The following JPH2 variants were observed in gnomAD, a reference collection of about 807,000 sequenced individuals.
JPH2 encodes junctophilin-2.
JPH2 carries 38 observed loss-of-function variants against 55.9 expected under a neutral mutation model. The ratio of observed to expected loss-of-function variants is 0.68; its 90% CI spans 0.52 to 0.89. The LOEUF (loss-of-function observed/expected upper bound fraction) is 0.89. Among genes scored for constraint, JPH2 ranks in the 40% least tolerant of loss-of-function variants. The pLI is 0.00. For synonymous variants in JPH2, 480 were observed against 472.4 expected, an observed-to-expected ratio of 1.02 and a Z score of -0.21; for missense variants, 964 against 1,037.6, an observed-to-expected ratio of 0.93 and a Z score of 0.97.
rs780556985 is a variant in JPH2 at position 44,129,171 on chromosome 20, C to T, written c.1170-10548G>A. On this transcript the variant is annotated intron_variant, in intron 2 of 5. Coordinates refer to ENST00000372980, the MANE Select transcript of JPH2 (RefSeq NM_020433.5). The stretch of plus-strand genomic sequence containing the variant: ...TCCATCTTGGAAGCTCCACTGAAAT[C>T]CCCCAGCCTCCAGCTGGAGTGAAGC... Among the ~76,000 whole-genome samples, 75 of 152,288 alleles carry T rather than the reference C, an allele frequency of 4.9e-4. 1 individual carries two copies. Among genetic ancestry groups the T allele is most frequent in the East Asian group, 7.7e-4 (4 of 5,186 alleles).
chr20:44,115,290 T>G (rs1489973744), intron 4 of JPH2, among the ~76,000 whole-genome samples: 1 of 152,158 alleles, frequency 6.6e-6, no homozygotes, highest in East Asian at 1.9e-4. Flanking sequence ...TCCACCTCCA[T>G]GAAGCCCTCA....
intron 2 of JPH2, among the ~76,000 whole-genome samples, chr20:44,134,888 TAATA>T (rs1569195841): frequency 5.8e-5 from 2 of 34,332 alleles, no homozygotes; most frequent in Non-Finnish European, 1.1e-4. Flanking sequence ...ATATATATAT[TAATA>T]TATATTTATA....
Position 44,186,507 on chromosome 20 carries a change from C to T in JPH2, c.199G>A (p.Gly67Ser). Residue 67 changes from glycine (G) to serine (S), a missense_variant, in exon 1 of 6, where the codon GGC becomes AGC. Gly to Ser is a moderately conservative substitution (Grantham distance 56). Coordinates refer to ENST00000372980, the MANE Select transcript of JPH2 (RefSeq NM_020433.5). ...GNTFEGYWSQ[G>S]KRHGLGIETK... ...TCTATGCCCAGCCCATGCCGTTTGC[C>T]CTGGCTCCAGTATCCCTCAAAGGTG... 1.2e-6 allele frequency: 2 copies of T among 1,614,180 alleles called. No homozygotes were observed. Among genetic ancestry groups the T allele is most frequent in the Non-Finnish European group, 1.7e-6 (2 of 1,180,034 alleles).
rs575047706 is a variant in JPH2 at position 44,139,498 on chromosome 20, T to C, written c.1169+20120A>G. ...GAATTCTACACAAGCATTTAGAAAC[T>C]GATCAAGTTCTGTACTTGGAAAAAC... On this transcript the variant is annotated intron_variant, in intron 2 of 5. Coordinates refer to ENST00000372980, the MANE Select transcript of JPH2 (RefSeq NM_020433.5). Among the ~76,000 whole-genome samples, 719 of 152,274 alleles carry C rather than the reference T, an allele frequency of 4.7e-3. 2 individuals are homozygous for C. The highest frequency in any genetic ancestry group is 6.7e-3 in the Non-Finnish European group (459 of 68,024).
chr20:44,138,057 GAGTGC>G (rs2072428016), intron 2 of JPH2, among the ~76,000 whole-genome samples: 1 of 150,924 alleles, frequency 6.6e-6, no homozygotes, highest in Non-Finnish European at 1.5e-5. Context: ...ACCCAGGCTG[GAGTGC>G]AGTGGTGCGA....
At chr20:44,141,461 T>C (rs1368204244) in intron 2 of JPH2, among the ~76,000 whole-genome samples, 2 of 151,754 alleles carry the variant, frequency 1.3e-5, no homozygotes, top group Non-Finnish European at 2.9e-5. Context: ...ACAGCCTCTC[T>C]GATCACATCA....
chr20:44,110,591 A>C lies in JPH2; in HGVS notation c.*2927T>G, dbSNP rs576757604. ...AGGTACGCGCCACCACACTTGGCTA[A>C]TTTTTGTATTTTCTTTTTTAGTAGA... On this transcript the variant is annotated 3_prime_UTR_variant, in exon 6 of 6. Coordinates refer to ENST00000372980, the MANE Select transcript of JPH2 (RefSeq NM_020433.5). Among the ~76,000 whole-genome samples, 88 of 152,010 alleles carry C rather than the reference A, an allele frequency of 5.8e-4. No homozygotes were observed. Among genetic ancestry groups the C allele is most frequent in the African/African-American group, 1.8e-3 (74 of 41,450 alleles).
chr20:44,150,066 T>TTAAG (rs141721448), intron 2 of JPH2, among the ~76,000 whole-genome samples: 39,601 of 148,688 alleles, frequency 0.27, 5,998 homozygotes, highest in East Asian at 0.48. Context: ...GAACTATTTA[T>TTAAG]TAAGTTTTCA....
In JPH2 at chr20:44,186,500, C is replaced by T; in HGVS notation, c.206G>A (p.Arg69Gln). The T allele has an allele frequency of 6.2e-7, 1 of 1,614,156 alleles. No individual in the cohort carries two copies. Among genetic ancestry groups the T allele is most frequent in the Non-Finnish European group, 8.5e-7 (1 of 1,180,036 alleles). Residue 69 changes from arginine (R) to glutamine (Q), a missense_variant, in exon 1 of 6, where the codon CGG becomes CAG. Coordinates refer to ENST00000372980, the MANE Select transcript of JPH2 (RefSeq NM_020433.5). ...CTTGGTCTCTATGCCCAGCCCATGCCGTTTGCCCTGGCTCCAGTATCCCTC... is the reference window on the plus strand; with the variant it reads ...CTTGGTCTCTATGCCCAGCCCATGCTGTTTGCCCTGGCTCCAGTATCCCTC... ...TFEGYWSQGK[R>Q]HGLGIETKGR...
chr20:44,175,505 C>T (rs1458079910), intron 1 of JPH2, among the ~76,000 whole-genome samples: 2 of 152,356 alleles, frequency 1.3e-5, no homozygotes, highest in Non-Finnish European at 2.9e-5. Flanking sequence ...CTTCCAAATG[C>T]CGCTGTCCAT....
At chr20:44,177,700 T>C (rs2072746313) in intron 1 of JPH2, 10 of 1,308,772 alleles carry the variant, frequency 7.6e-6, no homozygotes, top group Non-Finnish European at 9.8e-6. Context: ...GGATTCCATC[T>C]ACACTGGCAG....
At chr20:44,145,299 T>A (rs1019528641) in intron 2 of JPH2, among the ~76,000 whole-genome samples, 1 of 152,104 alleles carries the variant, frequency 6.6e-6, no homozygotes, top group Non-Finnish European at 1.5e-5. Flanking sequence ...CTGACTCTGC[T>A]ACTTGGGCTG....
intron 1 of JPH2, among the ~76,000 whole-genome samples, chr20:44,162,084 G>A (rs2072614477): frequency 6.6e-6 from 1 of 152,130 alleles, no homozygotes; most frequent in African/African-American, 2.4e-5. Flanking sequence ...CATGTAGAAC[G>A]GTACCTGATA....
At chr20:44,168,675 G>C (rs1435389065) in intron 1 of JPH2, among the ~76,000 whole-genome samples, 2 of 152,196 alleles carry the variant, frequency 1.3e-5, no homozygotes, top group Non-Finnish European at 2.9e-5. Context: ...GTCCTGACTA[G>C]TGCTTTCACC....
chr20:44,185,809 G>T (rs2072833417), intron 1 of JPH2, among the ~76,000 whole-genome samples: 1 of 151,270 alleles, frequency 6.6e-6, no homozygotes, highest in Non-Finnish European at 1.5e-5. Context: ...ATGGATGGAT[G>T]GGCAGGCAGG....
At chr20:44,124,060 C>A (rs1035106832) in intron 2 of JPH2, among the ~76,000 whole-genome samples, 2 of 152,124 alleles carry the variant, frequency 1.3e-5, no homozygotes, top group Non-Finnish European at 2.9e-5. Context: ...GTCACTGGGG[C>A]CGGGGGAGGA....
chr20:44,149,721 G>A (rs865787949), intron 2 of JPH2, among the ~76,000 whole-genome samples: 3 of 152,224 alleles, frequency 2.0e-5, no homozygotes, highest in African/African-American at 7.2e-5. Context: ...GCTCATGCCT[G>A]TAATCCCAGC....
intron 1 of JPH2, among the ~76,000 whole-genome samples, chr20:44,180,258 C>A (rs1016368021): frequency 6.6e-6 from 1 of 152,128 alleles, no homozygotes; most frequent in Non-Finnish European, 1.5e-5. Flanking sequence ...ACCTCAAGTA[C>A]CTCAAGTGCT....
Position 44,187,040 on chromosome 20 carries a change from C to A in JPH2, c.-335G>T. 1 of 354,812 alleles carries A rather than the reference C, an allele frequency of 2.8e-6. No individual in the cohort carries two copies. The allele number at this position is 354,812 out of a possible 1,614,324, so 22.0% of individuals were successfully genotyped here. A position where few individuals can be genotyped will look rare whatever the true frequency, so the allele number is the denominator to read the frequency against. On this transcript the variant is annotated 5_prime_UTR_variant, in exon 1 of 6. Transcript: ENST00000372980. ...AGTCCAAGGGAAAACGGTGTGATCT[C>A]TTTAAGAAGCCCAGTGAAAGGGTGG...
Sources: gnomAD v4.1 joint callset for allele counts (sites outside exome capture counted in the v4.1 genomes callset) on GRCh38, gnomAD v4.1.1 for gene constraint, MANE v1.5 for transcripts, NCBI Gene and HGNC (gene_info 2026-07-23, HGNC 2026-07-21) for gene names.